The following PCDHGB3 variants were observed in gnomAD, a reference collection of about 807,000 sequenced individuals.
The protein encoded by PCDHGB3 is protocadherin gamma subfamily B, 3.
PCDHGB3 carries 40 observed loss-of-function variants against 59.2 expected under a neutral mutation model. The ratio of observed to expected loss-of-function variants is 0.68; its 90% CI spans 0.52 to 0.88. PCDHGB3 has a LOEUF of 0.88. PCDHGB3 is among the 40% of genes least tolerant of loss of function. PCDHGB3 has a pLI of 0.00. For missense variants in PCDHGB3, 1,309 were observed against 1,187.9 expected (o/e 1.10, Z -1.50); for synonymous variants, 581 against 503.6 (o/e 1.15, Z -2.06).
At chr5:141,404,752 G>A (rs774409689) in intron 1 of PCDHGB3, 1 of 1,614,010 alleles carries the variant, frequency 6.2e-7, no homozygotes, top group Non-Finnish European at 8.5e-7. Context: ...ACTCAGGCCA[G>A]AATGCTTGGC....
chr5:141,481,030 C>A (rs1277171839), intron 1 of PCDHGB3, among the ~76,000 whole-genome samples: 1 of 152,024 alleles, frequency 6.6e-6, no homozygotes, highest in African/African-American at 2.4e-5. Context: ...TGCACTCCAG[C>A]CTGGGCGACA....
chr5:141,412,209 T>G (rs917646798), intron 1 of PCDHGB3: 2 of 152,248 alleles, frequency 1.3e-5, no homozygotes. Flanking sequence ...TCATTTGACA[T>G]AAACACTTAC....
At chr5:141,414,740 G>A (rs776833780) in intron 1 of PCDHGB3, 1 of 1,614,208 alleles carries the variant, frequency 6.2e-7, no homozygotes, top group South Asian at 1.1e-5. Flanking sequence ...TATGCACTCA[G>A]ATCCTTCGAC....
intron 1 of PCDHGB3, chr5:141,418,385 G>A (rs759618059): frequency 8.7e-6 from 14 of 1,613,930 alleles, no homozygotes; most frequent in Admixed American, 1.7e-5. Flanking sequence ...AAGTCCTAAC[G>A]AGTATTTCTC....
intron 1 of PCDHGB3, among the ~76,000 whole-genome samples, chr5:141,473,922 A>T (rs1025156251): frequency 2.0e-5 from 3 of 152,182 alleles, no homozygotes; most frequent in South Asian, 2.1e-4. Flanking sequence ...GAAAACTATG[A>T]GCTGGGTGCA....
chr5:141,437,076 A>T (rs1018228245), intron 1 of PCDHGB3, among the ~76,000 whole-genome samples: 2 of 152,236 alleles, frequency 1.3e-5, no homozygotes, highest in African/African-American at 4.8e-5. Context: ...TTTGGGCCAT[A>T]TAAGAATTGA....
intron 1 of PCDHGB3, among the ~76,000 whole-genome samples, chr5:141,480,976 T>G (rs1485868136): frequency 6.6e-6 from 1 of 152,108 alleles, no homozygotes; most frequent in Non-Finnish European, 1.5e-5. Context: ...GGAGAATCAG[T>G]GAACCCAGGA....
At position 141,512,161 on chromosome 5, in the gene PCDHGB3, G is replaced by A. The variant is rs1176664723; in HGVS notation, c.*988G>A. On this transcript the variant is annotated 3_prime_UTR_variant, in exon 4 of 4. Transcript: ENST00000576222. ...AGCCAGCTTTGGGCTGAGCTAACAGGACCAATGGATTAAACTGGCATTTCA... is the reference window on the plus strand; with the variant it reads ...AGCCAGCTTTGGGCTGAGCTAACAGAACCAATGGATTAAACTGGCATTTCA... The A allele has an allele frequency of 6.5e-6, 1 of 152,704 alleles. No homozygotes were observed. Among genetic ancestry groups the A allele is most frequent in the African/African-American group, 2.4e-5 (1 of 41,440 alleles). 9.5% of individuals were successfully genotyped at this position (152,704 alleles called of 1,614,324 possible). A position where few individuals can be genotyped will look rare whatever the true frequency, so the allele number is the denominator to read the frequency against.
intron 1 of PCDHGB3, among the ~76,000 whole-genome samples, chr5:141,464,966 T>C (rs192224238): frequency 1.2e-3 from 178 of 152,274 alleles, no homozygotes; most frequent in Middle Eastern, 3.4e-3. Flanking sequence ...TGTCTTGAAC[T>C]ACTGGCTTCA....
intron 1 of PCDHGB3, among the ~76,000 whole-genome samples, chr5:141,469,315 G>A (rs1160946697): frequency 6.6e-6 from 1 of 151,866 alleles, no homozygotes; most frequent in African/African-American, 2.4e-5. Flanking sequence ...GATGGCTCAC[G>A]CCTGTAATCC....
At chr5:141,374,042 C>G (rs757758510) in intron 1 of PCDHGB3, 4 of 1,460,408 alleles carry the variant, frequency 2.7e-6, no homozygotes, top group Admixed American at 5.4e-5. Context: ...CAGATCTGTT[C>G]TTCCTCTTCT....
intron 1 of PCDHGB3, chr5:141,399,859 G>T: frequency 1.2e-6 from 2 of 1,612,844 alleles, no homozygotes; most frequent in Non-Finnish European, 1.7e-6. Context: ...GCCGCGCGCT[G>T]CAGAGCCCGG....
At chr5:141,495,236 A>G (rs2099759742) in intron 2 of PCDHGB3, among the ~76,000 whole-genome samples, 1 of 152,168 alleles carries the variant, frequency 6.6e-6, no homozygotes, top group South Asian at 2.1e-4. Flanking sequence ...GGGCTCCATT[A>G]TGACCTGGGG....
chr5:141,490,380 T>A lies in PCDHGB3; in HGVS notation c.2416-4427T>A. On this transcript the variant is annotated intron_variant, in intron 1 of 3. Coordinates refer to ENST00000576222, the MANE Select transcript of PCDHGB3 (RefSeq NM_018924.5). The surrounding 1 kb of genome is among the most constrained non-coding windows in gnomAD (Gnocchi z 5.4). ...TTAATGTGCGAGACCGGGACTCAGG[T>A]AGAAATGGTGAAGTGAGCCTTGATA... 6.2e-7 allele frequency: 1 copy of A among 1,614,204 alleles called. No homozygotes were observed. The highest frequency in any genetic ancestry group is 1.7e-5 in the Admixed American group (1 of 60,026).
rs1300601208 is a variant in PCDHGB3 at position 141,499,206 on chromosome 5, AC to A, written c.2474+4344del. On this transcript the variant is annotated intron_variant, in intron 2 of 3. Transcript: ENST00000576222. ...ACCATTTCCCCCTTCTTAGGCTGTA[AC>A]CCAGGCCCTGCCCTGCAGCTGTCCC... Among the ~76,000 whole-genome samples the A allele has an allele frequency of 3.3e-5, 5 of 152,062 alleles. No homozygotes were observed. In the East Asian group the frequency reaches 7.7e-4, roughly 24 times the overall value.
chr5:141,399,975 G>A (rs2093929990), intron 1 of PCDHGB3: 2 of 1,612,126 alleles, frequency 1.2e-6, no homozygotes, highest in East Asian at 2.2e-5. Flanking sequence ...TCAGCCTGGG[G>A]CTGCGCACAG....
chr5:141,497,540 C>CA (rs1491509812), intron 2 of PCDHGB3, among the ~76,000 whole-genome samples: 7 of 134,922 alleles, frequency 5.2e-5, no homozygotes, highest in Admixed American at 1.5e-4. Flanking sequence ...TGCAACAAAC[C>CA]TTTTTTTTTT....
chr5:141,490,896 G>C lies in PCDHGB3; in HGVS notation c.2416-3911G>C. The stretch of plus-strand genomic sequence containing the variant: ...TGCATGCCAACACATCTCTGCATGT[G>C]TTTGTCCTAGACGAGAATGATAATG... On this transcript the variant is annotated intron_variant, in intron 1 of 3. Coordinates refer to ENST00000576222, the MANE Select transcript of PCDHGB3 (RefSeq NM_018924.5). This position sits in a 1 kb window ranked among gnomAD's most constrained non-coding sequence, Gnocchi z 5.4. 2.5e-6 allele frequency: 4 copies of C among 1,613,938 alleles called. No homozygotes were observed. The highest frequency in any genetic ancestry group is 3.4e-6 in the Non-Finnish European group (4 of 1,179,922).
At chr5:141,389,328 A>G (rs2091708257) in intron 1 of PCDHGB3, 2 of 1,613,854 alleles carry the variant, frequency 1.2e-6, no homozygotes, top group African/African-American at 2.7e-5. Context: ...CTTGGGGCCC[A>G]ACGGCCAAGT....
Sources: allele counts gnomAD v4.1 joint callset (sites outside exome capture counted in the v4.1 genomes callset), GRCh38; gene constraint gnomAD v4.1.1; non-coding constraint Gnocchi (gnomAD v3.1); transcripts MANE v1.5; gene names NCBI Gene and HGNC (gene_info 2026-07-23, HGNC 2026-07-21).